The following AGBL1 variants were observed in gnomAD, a reference collection of about 807,000 sequenced individuals.
AGBL1 encodes AGBL carboxypeptidase 1.
A neutral mutation model predicts 118.9 loss-of-function variants in AGBL1; 130 were observed. The observed-to-expected ratio is 1.09, with a 90% CI of 0.95 to 1.26. The LOEUF is 1.26. Among genes scored for constraint, AGBL1 ranks in the 50% most tolerant of loss-of-function variants. The pLI, the probability that AGBL1 is intolerant of heterozygous loss-of-function variation, is 0.00. For synonymous variants in AGBL1, 555 were observed against 478.9 expected, an observed-to-expected ratio of 1.16 and a Z score of -2.08; for missense variants, 1,584 against 1,298.1, an observed-to-expected ratio of 1.22 and a Z score of -3.38.
intron 22 of AGBL1, among the ~76,000 whole-genome samples, chr15:86,813,622 C>T (rs565234247): frequency 4.9e-4 from 75 of 152,226 alleles, no homozygotes; most frequent in Non-Finnish European, 7.5e-4. Context: ...CTCTGGAGTC[C>T]TCACCTGGCT....
At chr15:86,504,494 A>G (rs1414632437) in intron 18 of AGBL1, among the ~76,000 whole-genome samples, 1 of 151,430 alleles carries the variant, frequency 6.6e-6, no homozygotes, top group Non-Finnish European at 1.5e-5. Context: ...TTGTTTTTTC[A>G]TTCCTCTCTT....
intron 2 of AGBL1, among the ~76,000 whole-genome samples, chr15:86,143,262 A>C (rs1357755842): frequency 6.7e-6 from 1 of 149,610 alleles, no homozygotes; most frequent in Admixed American, 6.6e-5. Flanking sequence ...TTATGCCATC[A>C]ATACAATGAT....
At chr15:86,475,197 G>A (rs2082540016) in intron 18 of AGBL1, among the ~76,000 whole-genome samples, 2 of 152,180 alleles carry the variant, frequency 1.3e-5, no homozygotes, top group African/African-American at 2.4e-5. Flanking sequence ...GCGACTCATT[G>A]CCAGCAACGG....
chr15:86,224,139 A>G (rs1040321664), intron 5 of AGBL1, among the ~76,000 whole-genome samples: 5 of 152,100 alleles, frequency 3.3e-5, no homozygotes, highest in African/African-American at 7.2e-5. Flanking sequence ...AGAATCTTCT[A>G]TTTTTTTAAA....
chr15:86,517,936 T>C (rs191769136), intron 18 of AGBL1, among the ~76,000 whole-genome samples: 24 of 152,302 alleles, frequency 1.6e-4, no homozygotes, highest in African/African-American at 5.5e-4. Flanking sequence ...ATTCTCCTCC[T>C]GCACCCTTCC....
chr15:86,920,108 G>A (rs568433348), downstream of AGBL1, among the ~76,000 whole-genome samples: 9 of 152,270 alleles, frequency 5.9e-5, no homozygotes, highest in Admixed American at 5.2e-4. Context: ...AAGAGGCCTC[G>A]AAACTGAAAC....
At chr15:86,182,211 T>C (rs2077562279) in intron 5 of AGBL1, among the ~76,000 whole-genome samples, 1 of 152,050 alleles carries the variant, frequency 6.6e-6, no homozygotes, top group African/African-American at 2.4e-5. Context: ...ATTCAAGGTC[T>C]TGCCTCTATA....
At chr15:86,091,642 CT>C (rs1232854252) in intron 1 of AGBL1, among the ~76,000 whole-genome samples, 2 of 152,188 alleles carry the variant, frequency 1.3e-5, no homozygotes, top group Admixed American at 1.3e-4. Flanking sequence ...TACATAAAAA[CT>C]TGTGAACAAT....
At chr15:86,649,202 A>G (rs2085331492) in intron 21 of AGBL1, among the ~76,000 whole-genome samples, 1 of 152,190 alleles carries the variant, frequency 6.6e-6, no homozygotes, top group Non-Finnish European at 1.5e-5. Context: ...TACTTATAGT[A>G]ACAGGAGAAA....
intron 18 of AGBL1, among the ~76,000 whole-genome samples, chr15:86,422,909 G>T (rs2081811844): frequency 6.6e-6 from 1 of 151,500 alleles, no homozygotes; most frequent in Non-Finnish European, 1.5e-5. Context: ...AAGTCGAATA[G>T]ACTAATAAGA....
chr15:86,990,373 C>T (rs1301807177), intron 24 of AGBL1, among the ~76,000 whole-genome samples: 4 of 152,000 alleles, frequency 2.6e-5, no homozygotes, highest in Admixed American at 6.6e-5. Flanking sequence ...AAATTAGCCA[C>T]GCGTGTGGCA....
At chr15:86,997,892 CA>C (rs2081394375) in intron 24 of AGBL1, among the ~76,000 whole-genome samples, 2 of 28,556 alleles carry the variant, frequency 7.0e-5, no homozygotes, top group African/African-American at 1.2e-4. Flanking sequence ...ATGTGGAAGA[CA>C]CACACACACA....
rs1247962519 is a variant in AGBL1 at position 86,613,249 on chromosome 15, T to C, written c.2994+58712T>C. ...AAAGCAGGAATCGGAGCGAGAGGTTTGTTGGTTTTGGAACGTAAGATCCCA... is the reference window on the plus strand; with the variant it reads ...AAAGCAGGAATCGGAGCGAGAGGTTCGTTGGTTTTGGAACGTAAGATCCCA... On this transcript the variant is annotated intron_variant, in intron 21 of 22. Transcript: ENST00000614907. The surrounding 1 kb of genome is among the most constrained non-coding windows in gnomAD (Gnocchi z 4.2). 6.6e-6 allele frequency among the ~76,000 whole-genome samples: 1 copy of C among 152,218 alleles called. No homozygotes were observed. Among genetic ancestry groups the C allele is most frequent in the Non-Finnish European group, 1.5e-5 (1 of 68,036 alleles).
chr15:87,017,577 AACAG>A (rs2081619995), intron 24 of AGBL1, among the ~76,000 whole-genome samples: 1 of 152,138 alleles, frequency 6.6e-6, no homozygotes, highest in African/African-American at 2.4e-5. Flanking sequence ...TTAAAAGTAA[AACAG>A]ACAAACAGAA....
intron 17 of AGBL1, among the ~76,000 whole-genome samples, chr15:86,334,425 A>G (rs146767443): frequency 2.0e-5 from 3 of 152,300 alleles, no homozygotes; most frequent in African/African-American, 7.2e-5. Context: ...TAAATTAGCC[A>G]CAAAATACTA....
chr15:86,656,734 C>T (rs966191332), intron 21 of AGBL1, among the ~76,000 whole-genome samples: 3 of 152,106 alleles, frequency 2.0e-5, no homozygotes, highest in African/African-American at 7.2e-5. Context: ...CTTTACACCC[C>T]CTGAGCTCCC....
At chr15:86,882,619 ATGGTCTGTAGGGTTATT>A (rs2079911769) in intron 22 of AGBL1, among the ~76,000 whole-genome samples, 1 of 152,202 alleles carries the variant, frequency 6.6e-6, no homozygotes, top group Non-Finnish European at 1.5e-5. Context: ...TGCATATAAA[ATGGTCTGTAGGGTTATT>A]TGCACCTACT....
intron 17 of AGBL1, among the ~76,000 whole-genome samples, chr15:86,311,604 A>AT (rs2079922488): frequency 4.6e-5 from 7 of 151,386 alleles, no homozygotes; most frequent in Admixed American, 1.3e-4. Context: ...GGGGCTTCCT[A>AT]TTTTTTTTCT....
chr15:86,746,043 T>C (rs907284801), intron 22 of AGBL1, among the ~76,000 whole-genome samples: 2 of 152,002 alleles, frequency 1.3e-5, no homozygotes, highest in Admixed American at 1.3e-4. Flanking sequence ...TGTTGGGGCT[T>C]CTTGTGGTTA....
Sources: allele counts gnomAD v4.1 joint callset (sites outside exome capture counted in the v4.1 genomes callset), GRCh38; gene constraint gnomAD v4.1.1; non-coding constraint Gnocchi (gnomAD v3.1); transcripts MANE v1.5; gene names NCBI Gene and HGNC (gene_info 2026-07-23, HGNC 2026-07-21).